The following PRKN variants were observed in gnomAD, a reference collection of about 807,000 sequenced individuals.
The protein encoded by PRKN is parkin RBR E3 ubiquitin protein ligase, also known as E3 ubiquitin-protein ligase parkin.
Under a neutral mutation model 59.5 loss-of-function variants are expected in PRKN, and 56 were observed. The ratio of observed to expected loss-of-function variants is 0.94; its 90% confidence interval spans 0.76 to 1.18. The LOEUF (loss-of-function observed/expected upper bound fraction) is 1.18. PRKN is among the 50% of genes most tolerant of loss of function. The pLI is 0.00. For missense variants in PRKN, 657 were observed against 596.4 expected (o/e 1.10, Z -1.06); for synonymous variants, 250 against 222.1 (o/e 1.13, Z -1.12).
At chr6:162,711,512 G>C (rs1054750611) in intron 1 of PRKN, among the ~76,000 whole-genome samples, 1 of 151,330 alleles carries the variant, frequency 6.6e-6, no homozygotes, top group Non-Finnish European at 1.5e-5. Flanking sequence ...TCTCCCAAAC[G>C]TGGCCCTTCC....
chr6:161,543,849 A>C lies in PRKN; in HGVS notation c.1083+5005T>G, dbSNP rs1299612646. On this transcript the variant is annotated intron_variant, in intron 9 of 11. Transcript: ENST00000366898. ...TCTGCATTCCCAGGTCAGTGAGTAT[A>C]ATGTATTCCATATTTTGTTGCTGTT... 6.6e-5 allele frequency among the ~76,000 whole-genome samples: 10 copies of C among 152,310 alleles called. No homozygotes were observed. In the East Asian group the frequency reaches 1.3e-3, roughly 21 times the overall value.
chr6:162,252,670 G>A (rs553995619), intron 3 of PRKN, among the ~76,000 whole-genome samples: 2 of 152,192 alleles, frequency 1.3e-5, no homozygotes, highest in African/African-American at 4.8e-5. Context: ...CTATGAACCA[G>A]CAAGCAGCCT....
intron 7 of PRKN, among the ~76,000 whole-genome samples, chr6:161,708,541 TG>T (rs1051811812): frequency 2.0e-5 from 3 of 151,742 alleles, no homozygotes; most frequent in Admixed American, 2.0e-4. Flanking sequence ...CTGGACTTAG[TG>T]ACATTGCAAC....
At chr6:162,089,731 T>C (rs1175449364) in intron 4 of PRKN, among the ~76,000 whole-genome samples, 3 of 152,194 alleles carry the variant, frequency 2.0e-5, no homozygotes, top group Non-Finnish European at 4.4e-5. Context: ...GTACCACAAG[T>C]CGCAAATATG....
At chr6:161,563,429 T>A (rs1272791230) in intron 8 of PRKN, among the ~76,000 whole-genome samples, 6 of 152,144 alleles carry the variant, frequency 3.9e-5, no homozygotes, top group Non-Finnish European at 8.8e-5. Context: ...ACAAACCTAT[T>A]GACTCCAGAC....
At chr6:162,141,019 A>G (rs1781756895) in intron 4 of PRKN, among the ~76,000 whole-genome samples, 1 of 152,000 alleles carries the variant, frequency 6.6e-6, no homozygotes, top group Admixed American at 6.5e-5. Context: ...AGTCCCAGCT[A>G]CTTCGGAGGC....
At chr6:162,672,415 A>C (rs1187753294) in intron 1 of PRKN, among the ~76,000 whole-genome samples, 6 of 152,014 alleles carry the variant, frequency 3.9e-5, no homozygotes, top group African/African-American at 1.4e-4. Flanking sequence ...CACTTTGGCA[A>C]AAAAAATAAA....
At chr6:161,877,750 G>A (rs1794789257) in intron 6 of PRKN, among the ~76,000 whole-genome samples, 2 of 152,082 alleles carry the variant, frequency 1.3e-5, no homozygotes, top group African/African-American at 4.8e-5. Flanking sequence ...TTACAGGCGG[G>A]AGCCACCACG....
Position 161,686,509 on chromosome 6 carries a change from G to GA in PRKN, c.871+99262dup, listed in dbSNP as rs1207223594. 3.9e-5 allele frequency among the ~76,000 whole-genome samples: 6 copies of GA among 152,126 alleles called. No homozygotes were observed. The East Asian group carries it at 7.7e-4, about 20-fold the overall frequency. ...TAAATATTAAAAACCATAAATCACA[G>GA]AAAAAATATTATTAAGTTTTGTTAT... On this transcript the variant is annotated intron_variant, in intron 7 of 11. Transcript: ENST00000366898.
intron 2 of PRKN, among the ~76,000 whole-genome samples, chr6:162,411,466 C>T (rs753656895): frequency 6.6e-6 from 1 of 152,102 alleles, no homozygotes; most frequent in Non-Finnish European, 1.5e-5. Context: ...TCTCCTCTCC[C>T]CCAAGGAGGA....
intron 2 of PRKN, among the ~76,000 whole-genome samples, chr6:162,362,786 T>A (rs1031194048): frequency 1.3e-5 from 2 of 152,106 alleles, no homozygotes; most frequent in East Asian, 3.9e-4. Context: ...AAAAAAACTT[T>A]ATTTCACAAA....
intron 2 of PRKN, among the ~76,000 whole-genome samples, chr6:162,301,982 A>G (rs1010450765): frequency 6.6e-6 from 1 of 152,134 alleles, no homozygotes; most frequent in Non-Finnish European, 1.5e-5. Flanking sequence ...GTATCAAACC[A>G]AACTCATTGG....
chr6:162,576,427 T>C lies in PRKN; in HGVS notation c.8-132954A>G, dbSNP rs144454168. 1.7e-3 allele frequency among the ~76,000 whole-genome samples: 257 copies of C among 152,238 alleles called. 1 individual carries two copies. The highest frequency in any genetic ancestry group is 3.4e-3 in the Middle Eastern group (1 of 294). On this transcript the variant is annotated intron_variant, in intron 1 of 11. Coordinates refer to ENST00000366898, the MANE Select transcript of PRKN (RefSeq NM_004562.3). ...ACTAACTTGAACAAGGGGTGGGCAA[T>C]AGACACAGAAATGAAATTACCCAGT... is the stretch of plus-strand genomic sequence containing the variant.
In PRKN at chr6:162,511,084, A is replaced by C. The variant is rs903670935; in HGVS notation, c.8-67611T>G. Among the ~76,000 whole-genome samples, 7 of 152,168 alleles carry C rather than the reference A, an allele frequency of 4.6e-5. No individual in the cohort carries two copies. The East Asian group carries it at 1.3e-3, about 29-fold the overall frequency. The stretch of plus-strand genomic sequence containing the variant: ...GACCAATAGCATACTGTTTTCCACT[A>C]ATATTTTTTCATGATTGAGATCTTA... On this transcript the variant is annotated intron_variant, in intron 1 of 11. Transcript: ENST00000366898.
chr6:161,722,959 C>T (rs1027822652), intron 7 of PRKN, among the ~76,000 whole-genome samples: 4 of 152,060 alleles, frequency 2.6e-5, no homozygotes, highest in Non-Finnish European at 5.9e-5. Flanking sequence ...AAAAAGAGTC[C>T]TCATTTAGGA....
At chr6:161,884,041 A>G (rs1257422703) in intron 6 of PRKN, among the ~76,000 whole-genome samples, 1 of 152,200 alleles carries the variant, frequency 6.6e-6, no homozygotes, top group East Asian at 1.9e-4. Flanking sequence ...GCGGTAAAAT[A>G]TAACATTAAA....
intron 1 of PRKN, among the ~76,000 whole-genome samples, chr6:162,629,321 C>T (rs1159676537): frequency 6.6e-6 from 1 of 152,076 alleles, no homozygotes; most frequent in Non-Finnish European, 1.5e-5. Context: ...TAATGCTTGA[C>T]CATATGGTCT....
At chr6:162,084,923 C>A (rs940743758) in intron 4 of PRKN, among the ~76,000 whole-genome samples, 18 of 151,708 alleles carry the variant, frequency 1.2e-4, no homozygotes, top group African/African-American at 4.1e-4. Flanking sequence ...CAATCAGTAA[C>A]CTGAACTTCA....
At chr6:162,474,317 A>G (rs1791898241) in intron 1 of PRKN, among the ~76,000 whole-genome samples, 1 of 152,200 alleles carries the variant, frequency 6.6e-6, no homozygotes. Context: ...AGGAAGAGTA[A>G]TCTACATGTA....
Sources: gnomAD v4.1 joint callset for allele counts (sites outside exome capture counted in the v4.1 genomes callset) on GRCh38, gnomAD v4.1.1 for gene constraint, MANE v1.5 for transcripts, NCBI Gene and HGNC (gene_info 2026-07-23, HGNC 2026-07-21) for gene names.